Variants in CD2AP observed in about 807,000 individuals in gnomAD.
CD2AP encodes CD2-associated protein.
In CD2AP, 46 loss-of-function variants were observed where a neutral mutation model predicts 85.1. That is an observed-to-expected ratio of 0.54 (90% CI 0.43 to 0.69). The LOEUF is 0.69. Ranked by LOEUF, CD2AP falls within the 30% of genes least tolerant of loss-of-function variation. CD2AP has a pLI of 0.00. For synonymous variants in CD2AP, 255 were observed against 252.9 expected, an observed-to-expected ratio of 1.01 and a Z score of -0.08; for missense variants, 769 against 729.5, an observed-to-expected ratio of 1.05 and a Z score of -0.62.
At chr6:47,531,725 G>T (rs541748495) in intron 2 of CD2AP, among the ~76,000 whole-genome samples, 224 of 152,096 alleles carry the variant, frequency 1.5e-3, no homozygotes, top group African/African-American at 5.2e-3. Context: ...ATTTTGCACT[G>T]TATTAAAAAA....
intron 2 of CD2AP, among the ~76,000 whole-genome samples, chr6:47,529,196 C>A (rs981136128): frequency 2.2e-5 from 2 of 92,558 alleles, no homozygotes; most frequent in Non-Finnish European, 2.4e-5. Context: ...CCCCCCCCCC[C>A]CCCCAACTTA....
In CD2AP at chr6:47,582,056, G is replaced by A. The variant is rs144903299; in HGVS notation, c.1099G>A (p.Glu367Lys). The change falls in exon 11 of 18, where the codon GAA becomes AAA. Residue 367 changes from glutamate (E) to lysine (K), a missense_variant. Coordinates refer to ENST00000359314, the MANE Select transcript of CD2AP (RefSeq NM_012120.3). The stretch of plus-strand genomic sequence containing the variant: ...GAAGAAATATTTTTCTTTAAAGCCT[G>A]AAGAAAAGGGTGAGGCTAATTTTCA... Reference protein sequence around the residue: ...AEKKYFSLKPEEKDEKSTLEQ... With the variant: ...AEKKYFSLKPKEKDEKSTLEQ... The A allele has an allele frequency of 4.2e-5, 66 of 1,589,558 alleles. No individual in the cohort carries two copies. The highest frequency in any genetic ancestry group is 6.7e-5 in the African/African-American group (5 of 74,434).
chr6:47,546,949 A>G (rs1767380059), intron 4 of CD2AP, among the ~76,000 whole-genome samples: 1 of 151,474 alleles, frequency 6.6e-6, no homozygotes, highest in Admixed American at 6.6e-5. Context: ...AAGGAAACAT[A>G]CAGTCTTTTT....
At chr6:47,551,162 G>A (rs972958394) in intron 4 of CD2AP, among the ~76,000 whole-genome samples, 4 of 151,078 alleles carry the variant, frequency 2.6e-5, no homozygotes, top group Admixed American at 6.6e-5. Flanking sequence ...TAACACCACC[G>A]GTTCCCCAAT....
At chr6:47,493,393 C>G (rs1472635637) in intron 1 of CD2AP, among the ~76,000 whole-genome samples, 1 of 145,124 alleles carries the variant, frequency 6.9e-6, no homozygotes, top group Non-Finnish European at 1.5e-5. Flanking sequence ...TTTATTCCAT[C>G]CTTTCTTGCC....
intron 2 of CD2AP, among the ~76,000 whole-genome samples, chr6:47,519,693 A>G (rs1766535110): frequency 6.6e-6 from 1 of 152,220 alleles, no homozygotes; most frequent in South Asian, 2.1e-4. Flanking sequence ...TTCTTGCTCA[A>G]GAACTGCCCA....
At chr6:47,589,721 A>T (rs140084714) in intron 11 of CD2AP, among the ~76,000 whole-genome samples, 1 of 152,096 alleles carries the variant, frequency 6.6e-6, no homozygotes, top group East Asian at 1.9e-4. Flanking sequence ...GCCAATCTTG[A>T]AAGTGGTAGC....
intron 3 of CD2AP, among the ~76,000 whole-genome samples, chr6:47,539,603 T>A (rs1229358816): frequency 6.6e-6 from 1 of 152,222 alleles, no homozygotes; most frequent in Non-Finnish European, 1.5e-5. Context: ...TTTTGCCTCA[T>A]TTTAGCTATG....
chr6:47,601,512 T>C (rs902097701), intron 13 of CD2AP, among the ~76,000 whole-genome samples: 6 of 151,962 alleles, frequency 3.9e-5, no homozygotes, highest in Non-Finnish European at 5.9e-5. Flanking sequence ...CTGAGCAGGT[T>C]TTATATCCTC....
intron 10 of CD2AP, among the ~76,000 whole-genome samples, chr6:47,581,731 A>C (rs1441193678): frequency 6.6e-6 from 1 of 152,230 alleles, no homozygotes; most frequent in African/African-American, 2.4e-5. Context: ...GAATGTTTTC[A>C]TCACCACAGC....
chr6:47,617,525 T>A (rs1426714679), intron 17 of CD2AP, among the ~76,000 whole-genome samples: 1 of 152,178 alleles, frequency 6.6e-6, no homozygotes, highest in Non-Finnish European at 1.5e-5. Flanking sequence ...TTCCTGTTCT[T>A]TTGATTTCCT....
At chr6:47,487,663 C>G (rs1023488540) in intron 1 of CD2AP, among the ~76,000 whole-genome samples, 8 of 152,164 alleles carry the variant, frequency 5.3e-5, no homozygotes, top group African/African-American at 1.9e-4. Context: ...GCACTCCAGC[C>G]TGGGTGACAG....
chr6:47,485,503 A>T (rs1554167237), intron 1 of CD2AP, among the ~76,000 whole-genome samples: 1 of 152,230 alleles, frequency 6.6e-6, no homozygotes, highest in Non-Finnish European at 1.5e-5. Flanking sequence ...GTTATTACAA[A>T]AAAGTTAAAA....
At chr6:47,521,715 A>T (rs1766601646) in intron 2 of CD2AP, among the ~76,000 whole-genome samples, 1 of 152,018 alleles carries the variant, frequency 6.6e-6, no homozygotes, top group South Asian at 2.1e-4. Flanking sequence ...CTTGCTTCTG[A>T]AGGTTAAGAT....
chr6:47,612,442 G>C lies in CD2AP; in HGVS notation c.1815-31G>C, dbSNP rs773177781. ...AGTCAAATAAATTATTTAATCGAAAGACTTAACAGTAATAAGTACTTTGTT... is the reference window on the plus strand; with the variant it reads ...AGTCAAATAAATTATTTAATCGAAACACTTAACAGTAATAAGTACTTTGTT... On this transcript the variant is annotated intron_variant, in intron 16 of 17. Transcript: ENST00000359314. 2.8e-5 allele frequency: 40 copies of C among 1,424,890 alleles called. 2 individuals carry two copies. The Admixed American group carries it at 6.7e-4, about 24-fold the overall frequency. The allele number at this position is 1,424,890 out of a possible 1,614,324, so 88.3% of individuals were successfully genotyped here.
intron 1 of CD2AP, among the ~76,000 whole-genome samples, chr6:47,492,883 C>G (rs906853920): frequency 1.3e-5 from 2 of 151,922 alleles, no homozygotes; most frequent in Non-Finnish European, 2.9e-5. Context: ...TTTTAACATT[C>G]AATTATACTT....
chr6:47,486,205 T>C (rs182073986), intron 1 of CD2AP, among the ~76,000 whole-genome samples: 18 of 152,298 alleles, frequency 1.2e-4, no homozygotes, highest in African/African-American at 3.8e-4. Context: ...AAAGTTTTGG[T>C]GCCTTGAGTA....
intron 1 of CD2AP, among the ~76,000 whole-genome samples, chr6:47,488,096 C>A (rs1230799399): frequency 6.8e-6 from 1 of 147,790 alleles, no homozygotes; most frequent in African/African-American, 2.5e-5. Context: ...GCTCTTAAGT[C>A]CCTTTAATAG....
chr6:47,585,744 A>G (rs1180720783), intron 11 of CD2AP, among the ~76,000 whole-genome samples: 1 of 133,902 alleles, frequency 7.5e-6, no homozygotes, highest in East Asian at 2.0e-4. Flanking sequence ...AGAAATTTCC[A>G]TAATGGAGAA....
Sources: allele counts gnomAD v4.1 joint callset (sites outside exome capture counted in the v4.1 genomes callset), GRCh38; gene constraint gnomAD v4.1.1; transcripts MANE v1.5; gene names NCBI Gene and HGNC (gene_info 2026-07-23, HGNC 2026-07-21).